Variants in MAPKAP1 observed in about 807,000 individuals in gnomAD.
MAPKAP1 encodes the protein MAPK associated protein 1, also known as target of rapamycin complex 2 subunit MAPKAP1.
In MAPKAP1, 20 loss-of-function variants were observed where a neutral mutation model predicts 65.7. That is an observed-to-expected ratio of 0.30 (90% CI 0.21 to 0.44). The LOEUF is 0.44. Among genes scored for constraint, MAPKAP1 ranks in the 20% least tolerant of loss-of-function variants. The pLI is 1.00. For synonymous variants in MAPKAP1, 222 were observed against 244.3 expected (o/e 0.91, Z 0.85); for missense variants, 423 against 648.0 (o/e 0.65, Z 3.77).
rs1167121911 is a variant in MAPKAP1, at chr9:125,466,590, A to C, written c.1345+1382T>G. Among the ~76,000 whole-genome samples the C allele has an allele frequency of 3.3e-5, 5 of 152,324 alleles. No individual in the cohort carries two copies. The East Asian group carries it at 9.6e-4, about 29-fold the overall frequency. ...AACAATGACATCTTTATTGGCCGAC[A>C]AGCTGAAGTGAGCGGGATTAGGAAG... is the stretch of plus-strand genomic sequence containing the variant. On this transcript the variant is annotated intron_variant, in intron 10 of 11. Coordinates refer to ENST00000265960, the MANE Select transcript of MAPKAP1 (RefSeq NM_001006617.3).
At chr9:125,584,277 T>G (rs1831713482) in intron 5 of MAPKAP1, among the ~76,000 whole-genome samples, 1 of 152,140 alleles carries the variant, frequency 6.6e-6, no homozygotes, top group Non-Finnish European at 1.5e-5. Context: ...CACAACTTAC[T>G]CAGGCAAAGT....
At chr9:125,598,757 C>T (rs911737512) in intron 4 of MAPKAP1, among the ~76,000 whole-genome samples, 2 of 151,986 alleles carry the variant, frequency 1.3e-5, no homozygotes, top group African/African-American at 4.8e-5. Flanking sequence ...TAAGACTGTA[C>T]GGGCCGGCGC....
intron 1 of MAPKAP1, among the ~76,000 whole-genome samples, chr9:125,698,287 AAATAT>A (rs1341096636): frequency 0.012 from 313 of 27,064 alleles, 5 homozygotes; most frequent in African/African-American, 0.043. Context: ...TAATATATAT[AAATAT>A]ATATATATAT....
chr9:125,471,160 CA>C (rs1853904983), intron 9 of MAPKAP1: 1 of 152,376 alleles, frequency 6.6e-6, no homozygotes, highest in African/African-American at 2.4e-5. Context: ...CTCCTGCCGC[CA>C]TGTGTCAGCA....
chr9:125,438,492 T>A lies in MAPKAP1; in HGVS notation c.*395A>T, dbSNP rs1383515000. 1 of 409,516 alleles carries A rather than the reference T, an allele frequency of 2.4e-6. No individual in the cohort carries two copies. Among genetic ancestry groups the A allele is most frequent in the African/African-American group, 2.0e-5 (1 of 48,884 alleles). 25.4% of individuals were successfully genotyped at this position (409,516 alleles called of 1,614,324 possible). On this transcript the variant is annotated 3_prime_UTR_variant, in exon 12 of 12. Coordinates refer to ENST00000265960, the MANE Select transcript of MAPKAP1 (RefSeq NM_001006617.3). ...CATGATAAAGAGTACACCTGTTTATTAAAAGGAAAAACAGAAATGTACATT... is the reference window on the plus strand; with the variant it reads ...CATGATAAAGAGTACACCTGTTTATAAAAAGGAAAAACAGAAATGTACATT...
In MAPKAP1 at chr9:125,693,712, T is replaced by TACACACAC. The variant is rs1564620314; in HGVS notation, c.-70+13258_-70+13259insGTGTGTGT. On this transcript the variant is annotated intron_variant, in intron 1 of 11. Coordinates refer to ENST00000265960, the MANE Select transcript of MAPKAP1 (RefSeq NM_001006617.3). ...GTATATATACACGTATATATACACA[T>TACACACAC]ATATACACGTATATACACATATATA... 9.6e-4 allele frequency among the ~76,000 whole-genome samples: 55 copies of TACACACAC among 57,514 alleles called. 8 individuals are homozygous for TACACACAC. Among genetic ancestry groups the TACACACAC allele is most frequent in the African/African-American group, 3.2e-3 (52 of 16,286 alleles). 37.7% of individuals were successfully genotyped at this position (57,514 alleles called of 152,430 possible). A position where few individuals can be genotyped will look rare whatever the true frequency, so the allele number is the denominator to read the frequency against.
intron 6 of MAPKAP1, among the ~76,000 whole-genome samples, chr9:125,556,152 C>T (rs1564556476): frequency 6.6e-6 from 1 of 152,232 alleles, no homozygotes; most frequent in Non-Finnish European, 1.5e-5. Context: ...CTCATTTAAT[C>T]CTCATAACTG....
rs1835356292 is a variant in MAPKAP1 at position 125,695,495 on chromosome 9, A to G, written c.-70+11476T>C. Among the ~76,000 whole-genome samples, 5 of 152,360 alleles carry G rather than the reference A, an allele frequency of 3.3e-5. No homozygotes were observed. In the South Asian group the frequency reaches 8.3e-4, roughly 25 times the overall value. ...AGATGACAAAGTGCTGTCATTTTTC[A>G]TTCTGATAATATACAGAATGCTTTG... On this transcript the variant is annotated intron_variant, in intron 1 of 11. Coordinates refer to ENST00000265960, the MANE Select transcript of MAPKAP1 (RefSeq NM_001006617.3).
At chr9:125,651,170 T>C (rs2131736718) in intron 4 of MAPKAP1, among the ~76,000 whole-genome samples, 1 of 152,280 alleles carries the variant, frequency 6.6e-6, no homozygotes, top group South Asian at 2.1e-4. Context: ...TAAATGGTAG[T>C]GAATATCTAA....
At chr9:125,549,986 A>C (rs892940601) in intron 6 of MAPKAP1, among the ~76,000 whole-genome samples, 12 of 152,228 alleles carry the variant, frequency 7.9e-5, no homozygotes, top group Non-Finnish European at 1.2e-4. Context: ...GGGTATTTAT[A>C]ACAAACTCAA....
chr9:125,508,442 C>T (rs1484183495), intron 7 of MAPKAP1, among the ~76,000 whole-genome samples: 2 of 152,188 alleles, frequency 1.3e-5, no homozygotes, highest in Non-Finnish European at 2.9e-5. Context: ...GCCTATTAAA[C>T]AATCTCTGAC....
At chr9:125,639,505 T>C (rs762994110) in intron 4 of MAPKAP1, among the ~76,000 whole-genome samples, 2 of 152,252 alleles carry the variant, frequency 1.3e-5, no homozygotes, top group African/African-American at 2.4e-5. Context: ...GTCATTATTA[T>C]ATTCGTTATC....
intron 4 of MAPKAP1, among the ~76,000 whole-genome samples, chr9:125,620,541 T>TGCCATATGTACAAG (rs1384975756): frequency 6.6e-6 from 1 of 152,148 alleles, no homozygotes; most frequent in Non-Finnish European, 1.5e-5. Flanking sequence ...ATGCACAAAA[T>TGCCATATGTACAAG]GCCATATGTA....
At chr9:125,687,191 T>C (rs1298075026) in intron 1 of MAPKAP1, among the ~76,000 whole-genome samples, 3 of 150,378 alleles carry the variant, frequency 2.0e-5, no homozygotes, top group African/African-American at 7.4e-5. Flanking sequence ...TTAAAGGTGA[T>C]AAACAATACA....
At position 125,495,526 on chromosome 9, in the gene MAPKAP1, T is replaced by C. The variant is rs1046783402; in HGVS notation, c.1066+10784A>G. On this transcript the variant is annotated intron_variant, in intron 8 of 11. Coordinates refer to ENST00000265960, the MANE Select transcript of MAPKAP1 (RefSeq NM_001006617.3). ...ACATACACAGAGTCCCCAATTACAT[T>C]TTCCAATAAGACATTGGCTGTGGTA... 3.3e-5 allele frequency among the ~76,000 whole-genome samples: 5 copies of C among 152,356 alleles called. No homozygotes were observed. In the South Asian group the frequency reaches 6.2e-4, roughly 19 times the overall value.
chr9:125,664,015 A>G (rs1368569300), intron 3 of MAPKAP1, among the ~76,000 whole-genome samples: 1 of 152,192 alleles, frequency 6.6e-6, no homozygotes, highest in African/African-American at 2.4e-5. Context: ...AACTATAAGA[A>G]TTTAGGGAGC....
chr9:125,541,849 T>C (rs988911964), intron 7 of MAPKAP1, among the ~76,000 whole-genome samples: 1 of 152,246 alleles, frequency 6.6e-6, no homozygotes, highest in African/African-American at 2.4e-5. Context: ...GGGAAGATCA[T>C]CATCATTTAA....
chr9:125,441,418 T>C (rs928435663), intron 11 of MAPKAP1, among the ~76,000 whole-genome samples: 1 of 152,204 alleles, frequency 6.6e-6, no homozygotes. Flanking sequence ...ATGGGGACAA[T>C]GTCTACATTC....
chr9:125,518,653 G>A (rs1316620845), intron 7 of MAPKAP1, among the ~76,000 whole-genome samples: 2 of 152,164 alleles, frequency 1.3e-5, no homozygotes, highest in Admixed American at 6.5e-5. Context: ...CTGGGCAACA[G>A]AGCAAGACCA....
Sources: gnomAD v4.1 joint callset for allele counts (sites outside exome capture counted in the v4.1 genomes callset) on GRCh38, gnomAD v4.1.1 for gene constraint, MANE v1.5 for transcripts, NCBI Gene and HGNC (gene_info 2026-07-23, HGNC 2026-07-21) for gene names.